The following COP1 variants were observed in gnomAD, a reference collection of about 807,000 sequenced individuals.
The protein encoded by COP1 is COP1 E3 ubiquitin ligase.
A neutral mutation model predicts 101.3 loss-of-function variants in COP1; 24 were observed. That is an observed-to-expected ratio of 0.24 (90% CI 0.17 to 0.33). The LOEUF is 0.33. COP1 is among the 10% of genes least tolerant of loss of function. The probability of loss-of-function intolerance (pLI) is 1.00; values close to 1 mark genes in which losing one functional copy is unlikely to be tolerated. For synonymous variants in COP1, 347 were observed against 341.9 expected (o/e 1.01, Z -0.17); for missense variants, 663 against 906.2 (o/e 0.73, Z 3.45).
chr1:176,160,475 G>C (rs1257703199), intron 5 of COP1, among the ~76,000 whole-genome samples: 2 of 151,768 alleles, frequency 1.3e-5, no homozygotes, highest in Non-Finnish European at 2.9e-5. Flanking sequence ...TCATCACAGT[G>C]AACAGGCAAC....
At chr1:176,031,609 C>A (rs2149096584) in intron 14 of COP1, among the ~76,000 whole-genome samples, 1 of 152,194 alleles carries the variant, frequency 6.6e-6, no homozygotes, top group East Asian at 1.9e-4. Context: ...ATATGGCCTC[C>A]TTTGGCTCTC....
At chr1:176,127,154 T>C (rs560637153) in intron 8 of COP1, among the ~76,000 whole-genome samples, 23 of 152,308 alleles carry the variant, frequency 1.5e-4, no homozygotes, top group African/African-American at 3.8e-4. Flanking sequence ...CTTGCATACA[T>C]TGTGAAATGA....
chr1:176,147,926 T>C (rs1342899350), intron 6 of COP1, among the ~76,000 whole-genome samples: 1 of 152,074 alleles, frequency 6.6e-6, no homozygotes, highest in Non-Finnish European at 1.5e-5. Context: ...TTGGGACAGA[T>C]TCTCGCCCTG....
intron 5 of COP1, among the ~76,000 whole-genome samples, chr1:176,153,067 T>C (rs1329029111): frequency 1.3e-5 from 2 of 152,110 alleles, no homozygotes; most frequent in Admixed American, 6.6e-5. Context: ...AGGAAGTTGA[T>C]TCCCTAATTC....
At position 176,173,666 on chromosome 1, in the gene COP1, C is replaced by T. The variant is rs1696463653; in HGVS notation, c.565+2244G>A. ...AAAAAAAAAAAATCAGTAAATGTGA[C>T]TTCACTGTTCATTAGATACATATAT... On this transcript the variant is annotated intron_variant, in intron 3 of 19. Coordinates refer to ENST00000367669, the MANE Select transcript of COP1 (RefSeq NM_022457.7). Among the ~76,000 whole-genome samples the T allele has an allele frequency of 2.0e-5, 3 of 150,406 alleles. No homozygotes were observed. The South Asian group carries it at 6.3e-4, about 32-fold the overall frequency.
At chr1:176,080,646 A>G (rs557237498) in intron 11 of COP1, among the ~76,000 whole-genome samples, 3 of 152,360 alleles carry the variant, frequency 2.0e-5, no homozygotes, top group Non-Finnish European at 2.9e-5. Flanking sequence ...TTGTACGCCA[A>G]TAAGTTCAAC....
chr1:176,204,092 A>C (rs1459630479), intron 1 of COP1, among the ~76,000 whole-genome samples: 1 of 152,212 alleles, frequency 6.6e-6, no homozygotes, highest in Non-Finnish European at 1.5e-5. Context: ...ATGTACTCGA[A>C]CTTACAGATC....
chr1:176,200,276 A>T (rs764367399), intron 1 of COP1, among the ~76,000 whole-genome samples: 40 of 152,240 alleles, frequency 2.6e-4, no homozygotes, highest in Admixed American at 9.2e-4. Flanking sequence ...AATTGTCAGT[A>T]CAACACATTC....
At chr1:175,996,468 G>C (rs1287580162) in intron 15 of COP1, among the ~76,000 whole-genome samples, 3 of 151,990 alleles carry the variant, frequency 2.0e-5, no homozygotes, top group Non-Finnish European at 4.4e-5. Context: ...GTCCCTGTTT[G>C]CAGATGACAT....
At chr1:175,964,523 T>C (rs143547335) in intron 18 of COP1, among the ~76,000 whole-genome samples, 22 of 152,334 alleles carry the variant, frequency 1.4e-4, no homozygotes, top group East Asian at 1.2e-3. Flanking sequence ...TGAAATACTA[T>C]TTACATTTGT....
rs141939284 is a variant in COP1, at chr1:176,198,867, C to A, written c.407+7705G>T. On this transcript the variant is annotated intron_variant, in intron 1 of 19. Coordinates refer to ENST00000367669, the MANE Select transcript of COP1 (RefSeq NM_022457.7). ...AAGCACATAAAAATATGTTACATAACAATGTGATAAAACTACATATCCACA... is the reference window on the plus strand; with the variant it reads ...AAGCACATAAAAATATGTTACATAAAAATGTGATAAAACTACATATCCACA... Among the ~76,000 whole-genome samples, 945 of 152,098 alleles carry A rather than the reference C, an allele frequency of 6.2e-3. 14 individuals carry two copies. The highest frequency in any genetic ancestry group is 0.021 in the African/African-American group (892 of 41,500).
chr1:175,960,881 G>C (rs1282784809), intron 18 of COP1, among the ~76,000 whole-genome samples: 3 of 152,204 alleles, frequency 2.0e-5, no homozygotes, highest in Non-Finnish European at 4.4e-5. Flanking sequence ...AAGTCTGTGA[G>C]GGTGTTTCCA....
chr1:176,199,210 G>C (rs184733248), intron 1 of COP1, among the ~76,000 whole-genome samples: 1 of 152,104 alleles, frequency 6.6e-6, no homozygotes, highest in East Asian at 1.9e-4. Context: ...CTAGCTACTC[G>C]GGAGGTTAAG....
intron 9 of COP1, among the ~76,000 whole-genome samples, chr1:176,110,161 A>G (rs561709508): frequency 1.3e-5 from 2 of 152,282 alleles, no homozygotes; most frequent in African/African-American, 4.8e-5. Flanking sequence ...AGATTCAACC[A>G]ATTTTTCGAA....
chr1:176,190,310 G>C (rs1558289572), intron 1 of COP1, among the ~76,000 whole-genome samples: 2 of 151,924 alleles, frequency 1.3e-5, no homozygotes, highest in Non-Finnish European at 2.9e-5. Flanking sequence ...TCAGATTTTG[G>C]AGCATTTCAA....
chr1:176,081,643 GTATT>G (rs1408754096), intron 10 of COP1, among the ~76,000 whole-genome samples: 3 of 152,016 alleles, frequency 2.0e-5, no homozygotes. Flanking sequence ...TACTGGATGA[GTATT>G]TGTTAGTTTG....
intron 14 of COP1, among the ~76,000 whole-genome samples, chr1:176,040,023 A>G (rs1439559699): frequency 6.6e-6 from 1 of 152,182 alleles, no homozygotes; most frequent in Non-Finnish European, 1.5e-5. Flanking sequence ...CCTTCATGAC[A>G]CTGGATTTGG....
intron 15 of COP1, among the ~76,000 whole-genome samples, chr1:175,993,361 C>T (rs12066926): frequency 0.4 from 60,555 of 152,054 alleles, 12,268 homozygotes; most frequent in Middle Eastern, 0.45. Flanking sequence ...AGGAACGCAG[C>T]TCCTCACCAG....
intron 18 of COP1, among the ~76,000 whole-genome samples, chr1:175,980,810 T>C (rs1655661211): frequency 1.3e-5 from 2 of 152,106 alleles, no homozygotes; most frequent in African/African-American, 4.8e-5. Flanking sequence ...GGTGAGTAGC[T>C]AAGTACGTAT....
Sources: gnomAD v4.1 joint callset for allele counts (sites outside exome capture counted in the v4.1 genomes callset) on GRCh38, gnomAD v4.1.1 for gene constraint, MANE v1.5 for transcripts, NCBI Gene and HGNC (gene_info 2026-07-23, HGNC 2026-07-21) for gene names.